The following SLC5A9 variants were observed in gnomAD, a reference collection of about 807,000 sequenced individuals.
The protein encoded by SLC5A9 is solute carrier family 5 member 9.
Under a neutral mutation model 70.9 loss-of-function variants are expected in SLC5A9, and 59 were observed. That is an observed-to-expected ratio of 0.83 (90% CI 0.68 to 1.03). The LOEUF (loss-of-function observed/expected upper bound fraction) is 1.03. SLC5A9 is among the 50% of genes least tolerant of loss of function. The probability of loss-of-function intolerance (pLI) is 0.00; values close to 1 mark genes in which losing one functional copy is unlikely to be tolerated. For synonymous variants in SLC5A9, 340 were observed against 346.5 expected (o/e 0.98, Z 0.21); for missense variants, 832 against 881.1 (o/e 0.94, Z 0.71).
intron 8 of SLC5A9, 128 bp from the exon 9 acceptor site, chr1:48,233,527 A>G (rs1030989854): frequency 1.6e-5 from 11 of 707,886 alleles, no homozygotes; most frequent in Non-Finnish European, 2.3e-5. Context: ...TTGCCCCCCA[A>G]CCTTGTAGAC....
At position 48,226,454 on chromosome 1, in the gene SLC5A9, G is replaced by T. The variant is rs529613540; in HGVS notation, c.234+1659G>T. On this transcript the variant is annotated intron_variant, in intron 2 of 13. Transcript: ENST00000438567. ...CAAACACAGAGCAGGCACCCAGTGGGAAAGAGAGGATGTGCTCCCCATCCT... is the reference window on the plus strand; with the variant it reads ...CAAACACAGAGCAGGCACCCAGTGGTAAAGAGAGGATGTGCTCCCCATCCT... Among the ~76,000 whole-genome samples, 7 of 152,310 alleles carry T rather than the reference G, an allele frequency of 4.6e-5. No individual in the cohort carries two copies. The South Asian group carries it at 8.3e-4, about 18-fold the overall frequency.
chr1:48,231,509 G>T (rs776516604), intron 5 of SLC5A9, 36 bp from the exon 6 acceptor site: 2 of 1,611,688 alleles, frequency 1.2e-6, no homozygotes, highest in East Asian at 4.5e-5. Flanking sequence ...ACCCCAAACT[G>T]GTGCTGACTG....
intron 9 of SLC5A9, among the ~76,000 whole-genome samples, chr1:48,235,121 G>C (rs922804982): frequency 3.9e-5 from 6 of 152,092 alleles, no homozygotes; most frequent in Admixed American, 3.9e-4. Flanking sequence ...GATACCAGTG[G>C]GTCCCATCCT....
At chr1:48,245,489 C>A (rs965757859) in intron 13 of SLC5A9, among the ~76,000 whole-genome samples, 1 of 152,080 alleles carries the variant, frequency 6.6e-6, no homozygotes, top group East Asian at 1.9e-4. Flanking sequence ...AAACCTACCC[C>A]CCTTCACAGA....
chr1:48,227,261 ATG>A (rs1388772392), intron 2 of SLC5A9, among the ~76,000 whole-genome samples: 6 of 90,164 alleles, frequency 6.7e-5, no homozygotes, highest in Non-Finnish European at 1.3e-4. Context: ...GTGTGAGTGC[ATG>A]TGTGTCAGAG....
Position 48,243,830 on chromosome 1 carries a change from C to T in SLC5A9, c.1837+1214C>T, listed in dbSNP as rs373744811. On this transcript the variant is annotated intron_variant, in intron 13 of 13. Coordinates refer to ENST00000438567, the MANE Select transcript of SLC5A9 (RefSeq NM_001011547.3). ...TAAAGTCCAAAATTAATCTCTCTTG[C>T]CCTTGTGAATTAAAAATTCAGACAC... is the stretch of plus-strand genomic sequence containing the variant. Among the ~76,000 whole-genome samples the T allele has an allele frequency of 1.8e-3, 276 of 152,264 alleles. 1 individual carries two copies. The highest frequency in any genetic ancestry group is 6.4e-3 in the African/African-American group (268 of 41,558).
intron 4 of SLC5A9, chr1:48,229,693 C>A (rs556664471): frequency 4.6e-5 from 26 of 562,880 alleles, no homozygotes; most frequent in African/African-American, 4.1e-4. Context: ...AATCACAATC[C>A]AGAGTTCATT....
intron 3 of SLC5A9, 121 bp downstream of exon 3, chr1:48,229,075 A>G (rs372133831): frequency 1.9e-6 from 3 of 1,614,034 alleles, no homozygotes; most frequent in Non-Finnish European, 8.5e-7. Context: ...TCGAGAATCC[A>G]TTTCACAATT....
chr1:48,227,874 A>G (rs1644187250), intron 2 of SLC5A9: 1 of 152,252 alleles, frequency 6.6e-6, no homozygotes, highest in Non-Finnish European at 1.5e-5. Context: ...TAGGTGAAGA[A>G]GCTGAGGCGT....
At chr1:48,238,880 T>C (rs1380018703) in intron 11 of SLC5A9, among the ~76,000 whole-genome samples, 2 of 152,246 alleles carry the variant, frequency 1.3e-5, no homozygotes, top group South Asian at 2.1e-4. Context: ...AAAGTCTCTA[T>C]TCTGATTTCT....
chr1:48,232,042 G>T lies in SLC5A9; in HGVS notation c.788G>T (p.Arg263Leu). ...TVPNTTCHLP[R>L]PDAFHILRDP... The stretch of plus-strand genomic sequence containing the variant: ...CCCAACACCACCTGTCACCTCCCAC[G>T]GCCCGATGCTTTCCACATTCTTCGG... The change falls in exon 7 of 14, where the codon CGG becomes CTG. Residue 263 changes from arginine (R) to leucine (L), a missense_variant. Coordinates refer to ENST00000438567, the MANE Select transcript of SLC5A9 (RefSeq NM_001011547.3). 6.2e-7 allele frequency: 1 copy of T among 1,614,136 alleles called. No homozygotes were observed. Among genetic ancestry groups the T allele is most frequent in the Non-Finnish European group, 8.5e-7 (1 of 1,180,010 alleles).
At chr1:48,231,124 G>A (rs1644242047) in intron 5 of SLC5A9, among the ~76,000 whole-genome samples, 1 of 152,216 alleles carries the variant, frequency 6.6e-6, no homozygotes, top group Non-Finnish European at 1.5e-5. Context: ...CACAGGGCTG[G>A]GCACCCTGGG....
intron 13 of SLC5A9, among the ~76,000 whole-genome samples, chr1:48,244,525 G>A (rs187470478): frequency 1.3e-4 from 20 of 151,290 alleles, no homozygotes; most frequent in African/African-American, 4.6e-4. Context: ...TTCTTCCCAC[G>A]ATTCAGCAGT....
At chr1:48,242,370 A>G in intron 12 of SLC5A9, 87 bp from the exon 13 acceptor site, 1 of 1,465,290 alleles carries the variant, frequency 6.8e-7, no homozygotes, top group Non-Finnish European at 9.2e-7. Context: ...GCTTTTGCTC[A>G]GATGGCCTTC....
chr1:48,244,388 GA>G (rs1644425996), intron 13 of SLC5A9, among the ~76,000 whole-genome samples: 1 of 152,216 alleles, frequency 6.6e-6, no homozygotes, highest in South Asian at 2.1e-4. Flanking sequence ...CCAGACCTGA[GA>G]AGGCTCCCAC....
At chr1:48,244,911 A>T (rs1391628571) in intron 13 of SLC5A9, among the ~76,000 whole-genome samples, 76 of 23,288 alleles carry the variant, frequency 3.3e-3, no homozygotes, top group East Asian at 0.017. Flanking sequence ...TATATATATA[A>T]AACCTCTGTC....
At chr1:48,241,903 T>A in intron 12 of SLC5A9, 1 of 456,212 alleles carries the variant, frequency 2.2e-6, no homozygotes, top group South Asian at 1.5e-5. Flanking sequence ...TTTCAGTCAG[T>A]CATGGTGTCC....
chr1:48,245,604 C>A (rs1569873703), intron 13 of SLC5A9, among the ~76,000 whole-genome samples: 1 of 152,154 alleles, frequency 6.6e-6, no homozygotes, highest in Non-Finnish European at 1.5e-5. Context: ...GGAAGAGGCA[C>A]CCCCTCTCCA....
At chr1:48,241,062 C>T (rs563404922) in intron 12 of SLC5A9, 1 of 152,304 alleles carries the variant, frequency 6.6e-6, no homozygotes, top group African/African-American at 2.4e-5. Context: ...TTTGTTTTGC[C>T]TACCCTTCCA....
Sources: gnomAD v4.1 joint callset for allele counts (sites outside exome capture counted in the v4.1 genomes callset) on GRCh38, gnomAD v4.1.1 for gene constraint, MANE v1.5 for transcripts, NCBI Gene and HGNC (gene_info 2026-07-23, HGNC 2026-07-21) for gene names.